Variants in CD244 observed in about 807,000 individuals in gnomAD.
The protein encoded by CD244 is natural killer cell receptor 2B4.
A neutral mutation model predicts 45.5 loss-of-function variants in CD244; 20 were observed. The observed-to-expected ratio is 0.44, with a 90% CI of 0.31 to 0.64. CD244 has a LOEUF of 0.64. CD244 is among the 30% of genes least tolerant of loss of function. The pLI is 0.08. For synonymous variants in CD244, 185 were observed against 160.5 expected, an observed-to-expected ratio of 1.15 and a Z score of -1.15; for missense variants, 407 against 426.9, an observed-to-expected ratio of 0.95 and a Z score of 0.41.
At chr1:160,837,056 G>A (rs181419378) in intron 5 of CD244, among the ~76,000 whole-genome samples, 1 of 152,130 alleles carries the variant, frequency 6.6e-6, no homozygotes, top group Non-Finnish European at 1.5e-5. Context: ...GTCCAGACCC[G>A]TGTGAAGTGT....
At chr1:160,850,298 C>T (rs1271473799) in intron 1 of CD244, among the ~76,000 whole-genome samples, 1 of 151,902 alleles carries the variant, frequency 6.6e-6, no homozygotes, top group Non-Finnish European at 1.5e-5. Flanking sequence ...CCTATTGCAA[C>T]AAAAGATTGC....
intron 1 of CD244, among the ~76,000 whole-genome samples, chr1:160,842,545 G>C (rs956941552): frequency 6.6e-6 from 1 of 152,086 alleles, no homozygotes; most frequent in Non-Finnish European, 1.5e-5. Context: ...GTGACTGTTG[G>C]AAATTCTGAA....
At chr1:160,857,787 C>T (rs924354827) in intron 1 of CD244, among the ~76,000 whole-genome samples, 1 of 152,226 alleles carries the variant, frequency 6.6e-6, no homozygotes, top group Non-Finnish European at 1.5e-5. Flanking sequence ...TGGCCCACAT[C>T]TGTAATCCCA....
chr1:160,838,844 T>A, intron 4 of CD244, 95 bp downstream of exon 4: 1 of 799,226 alleles, frequency 1.3e-6, no homozygotes, highest in Non-Finnish European at 2.0e-6. Context: ...GAAAAGGAGA[T>A]GCTGTGCTCC....
At chr1:160,844,429 A>C in intron 1 of CD244, among the ~76,000 whole-genome samples, 1 of 152,256 alleles carries the variant, frequency 6.6e-6, no homozygotes. Context: ...ATGTGACTTT[A>C]CAGCTCCTTC....
chr1:160,832,779 G>T (rs537488893), intron 7 of CD244: 4 of 1,081,674 alleles, frequency 3.7e-6, no homozygotes, highest in Admixed American at 2.1e-5. Flanking sequence ...TACAGTATTT[G>T]CCTATAATAT....
intron 1 of CD244, among the ~76,000 whole-genome samples, chr1:160,855,341 G>C (rs1234809072): frequency 6.6e-6 from 1 of 152,160 alleles, no homozygotes; most frequent in Non-Finnish European, 1.5e-5. Context: ...GCTGCTCTTT[G>C]TTGCTGAATT....
chr1:160,850,996 T>C (rs1289116888), intron 1 of CD244, among the ~76,000 whole-genome samples: 1 of 152,198 alleles, frequency 6.6e-6, no homozygotes, highest in Non-Finnish European at 1.5e-5. Context: ...TGGATTATTA[T>C]AAAGGTTATT....
chr1:160,848,577 G>C (rs1420711251), intron 1 of CD244: 5 of 378,984 alleles, frequency 1.3e-5, no homozygotes, highest in African/African-American at 6.3e-5. Context: ...ATGCTACACA[G>C]AGAGACCAAG....
At chr1:160,853,049 T>A (rs935369163) in intron 1 of CD244, among the ~76,000 whole-genome samples, 1 of 152,128 alleles carries the variant, frequency 6.6e-6, no homozygotes, top group South Asian at 2.1e-4. Flanking sequence ...CTGGTGTTTA[T>A]ATCCACTAAA....
At chr1:160,847,335 T>C (rs1171157905) in intron 1 of CD244, among the ~76,000 whole-genome samples, 2 of 151,902 alleles carry the variant, frequency 1.3e-5, no homozygotes, top group Non-Finnish European at 2.9e-5. Flanking sequence ...AATTTGAAGA[T>C]CATTAAACCA....
chr1:160,840,227 C>T (rs1669488624), intron 3 of CD244, among the ~76,000 whole-genome samples: 1 of 151,670 alleles, frequency 6.6e-6, no homozygotes, highest in Admixed American at 6.6e-5. Flanking sequence ...CCTCAGCCTC[C>T]CAAAGTGCTA....
At chr1:160,853,430 G>C (rs1031725881) in intron 1 of CD244, among the ~76,000 whole-genome samples, 4 of 152,142 alleles carry the variant, frequency 2.6e-5, no homozygotes, top group Non-Finnish European at 4.4e-5. Context: ...GTTACATCTT[G>C]ATGTGGGTAG....
intron 1 of CD244, among the ~76,000 whole-genome samples, chr1:160,845,583 C>T (rs1669702468): frequency 2.0e-5 from 3 of 152,168 alleles, no homozygotes; most frequent in Non-Finnish European, 4.4e-5. Context: ...AAGCTGGGCA[C>T]GGTGGCTCAC....
At chr1:160,861,228 G>A (rs534318292) in intron 1 of CD244, among the ~76,000 whole-genome samples, 1 of 152,126 alleles carries the variant, frequency 6.6e-6, no homozygotes, top group African/African-American at 2.4e-5. Flanking sequence ...CACAAGAGCT[G>A]CAGGCTCCAC....
At chr1:160,835,931 T>C (rs1359569347) in intron 6 of CD244, among the ~76,000 whole-genome samples, 1 of 152,142 alleles carries the variant, frequency 6.6e-6, no homozygotes, top group Non-Finnish European at 1.5e-5. Flanking sequence ...AGGTTTCTGC[T>C]CCTATAGACT....
chr1:160,851,959 T>C (rs1305465465), intron 1 of CD244, among the ~76,000 whole-genome samples: 1 of 152,134 alleles, frequency 6.6e-6, no homozygotes, highest in Non-Finnish European at 1.5e-5. Context: ...AAAGACAACA[T>C]TGAGAGAGTG....
rs1669548697 is a variant in CD244 at position 160,841,705 on chromosome 1, T to C, written c.258A>G (p.Ile86Met). 2.5e-6 allele frequency: 4 copies of C among 1,614,188 alleles called. No homozygotes were observed. Among genetic ancestry groups the C allele is most frequent in the Non-Finnish European group, 3.4e-6 (4 of 1,180,016 alleles). ...SNTSNDRFSFIVKNLSLLIKA... is the reference protein window; with the variant it reads ...SNTSNDRFSFMVKNLSLLIKA... ...TGATGAGAAGACTCAAGTTCTTGACTATAAAACTGAATCTATCATTGGAAG... is the reference window on the plus strand; with the variant it reads ...TGATGAGAAGACTCAAGTTCTTGACCATAAAACTGAATCTATCATTGGAAG... The change falls in exon 2 of 9, where the codon ATA becomes ATG. Residue 86 changes from isoleucine (I) to methionine (M), a missense_variant. Transcript: ENST00000368034.
At chr1:160,832,925 T>C (rs985955837) in intron 7 of CD244, among the ~76,000 whole-genome samples, 9 of 150,832 alleles carry the variant, frequency 6.0e-5, no homozygotes, top group African/African-American at 2.0e-4. Flanking sequence ...TGTATATATA[T>C]ACACACACAC....
Sources: gnomAD v4.1 joint callset for allele counts (sites outside exome capture counted in the v4.1 genomes callset) on GRCh38, gnomAD v4.1.1 for gene constraint, MANE v1.5 for transcripts, NCBI Gene and HGNC (gene_info 2026-07-23, HGNC 2026-07-21) for gene names.